MAML3: variants seen among roughly 807,000 people sequenced by gnomAD.
The protein encoded by MAML3 is mastermind like transcriptional coactivator 3, also known as mastermind-like protein 3.
In MAML3, 27 loss-of-function variants were observed where a neutral mutation model predicts 101.9. The observed-to-expected ratio is 0.27, with a 90% CI of 0.20 to 0.37. MAML3 has a LOEUF of 0.37. MAML3 is among the 10% of genes least tolerant of loss of function. The probability of loss-of-function intolerance (pLI) is 1.00; values close to 1 mark genes in which losing one functional copy is unlikely to be tolerated. For synonymous variants in MAML3, 501 were observed against 555.9 expected (o/e 0.90, Z 1.39); for missense variants, 1,316 against 1,444.9 (o/e 0.91, Z 1.45).
chr4:140,079,509 G>T (rs1315328940), intron 1 of MAML3, among the ~76,000 whole-genome samples: 1 of 152,064 alleles, frequency 6.6e-6, no homozygotes, highest in East Asian at 1.9e-4. Flanking sequence ...GGCCAGGATG[G>T]TCTCAAACTC....
chr4:140,153,407 A>T lies in MAML3; in HGVS notation c.-80T>A. The T allele has an allele frequency of 2.1e-6, 3 of 1,437,098 alleles. No homozygotes were observed. Among genetic ancestry groups the T allele is most frequent in the Non-Finnish European group, 2.7e-6 (3 of 1,093,934 alleles). 89.0% of individuals were successfully genotyped at this position (1,437,098 alleles called of 1,614,324 possible). ...AGCCTCCTCCTTGGGTCCAAGGATT[A>T]AAATAGTTTAAGTGGAACGCGGGGG... is the stretch of plus-strand genomic sequence containing the variant. On this transcript the variant is annotated 5_prime_UTR_variant, in exon 1 of 5. The change abolishes the stop of an existing upstream ORF in the 5' untranslated region. Coordinates refer to ENST00000509479, the MANE Select transcript of MAML3 (RefSeq NM_018717.5).
intron 2 of MAML3, among the ~76,000 whole-genome samples, chr4:139,752,443 TG>T (rs1213335383): frequency 6.6e-6 from 1 of 152,144 alleles, no homozygotes; most frequent in African/African-American, 2.4e-5. Context: ...GGACCTAGCC[TG>T]GCTCTCTCTG....
chr4:139,717,071 T>G lies in MAML3; in HGVS notation c.*2252A>C, dbSNP rs1728003477. 6.6e-6 allele frequency: 1 copy of G among 152,444 alleles called. No homozygotes were observed. Among genetic ancestry groups the G allele is most frequent in the Non-Finnish European group, 1.5e-5 (1 of 68,024 alleles). The allele number at this position is 152,444 out of a possible 1,614,324, so 9.4% of individuals were successfully genotyped here. A position where few individuals can be genotyped will look rare whatever the true frequency, so the allele number is the denominator to read the frequency against. ...TATTTATATGTATATTTTTTACAGA[T>G]AGTAGACCCAGTGATATCTGCAGTA... On this transcript the variant is annotated 3_prime_UTR_variant, in exon 5 of 5. Coordinates refer to ENST00000509479, the MANE Select transcript of MAML3 (RefSeq NM_018717.5).
At chr4:139,879,617 A>C (rs921173216) in intron 2 of MAML3, among the ~76,000 whole-genome samples, 3 of 113,396 alleles carry the variant, frequency 2.6e-5, no homozygotes, top group African/African-American at 1.0e-4. Flanking sequence ...CGTGGTGGTG[A>C]TAGTGGTTGG....
chr4:139,723,359 G>A (rs1728333455), intron 4 of MAML3, among the ~76,000 whole-genome samples: 1 of 152,110 alleles, frequency 6.6e-6, no homozygotes, highest in Non-Finnish European at 1.5e-5. Flanking sequence ...TGCCCAGGCT[G>A]GAGTGCAATG....
intron 2 of MAML3, among the ~76,000 whole-genome samples, chr4:139,830,410 ATTTTT>A (rs1157293904): frequency 2.5e-5 from 3 of 121,302 alleles, no homozygotes; most frequent in African/African-American, 7.7e-5. Flanking sequence ...ACGCTGTGCT[ATTTTT>A]TTTTTTTTTT....
intron 2 of MAML3, among the ~76,000 whole-genome samples, chr4:139,855,189 A>C (rs753834098): frequency 2.6e-5 from 4 of 152,146 alleles, no homozygotes; most frequent in Non-Finnish European, 4.4e-5. Context: ...GTTACATGTT[A>C]AGCAATTCTG....
At chr4:140,052,626 C>T (rs1727286491) in intron 1 of MAML3, among the ~76,000 whole-genome samples, 1 of 151,396 alleles carries the variant, frequency 6.6e-6, no homozygotes, top group Non-Finnish European at 1.5e-5. Context: ...CCTCTACCTC[C>T]TAGGTTCGAG....
chr4:140,041,246 C>T (rs1727081081), intron 1 of MAML3, among the ~76,000 whole-genome samples: 2 of 151,906 alleles, frequency 1.3e-5, no homozygotes, highest in South Asian at 2.1e-4. Context: ...ATATACATAC[C>T]ACTGGATAAA....
At chr4:139,902,259 A>ACGCG (rs1732739820) in intron 1 of MAML3, among the ~76,000 whole-genome samples, 1 of 54,706 alleles carries the variant, frequency 1.8e-5, no homozygotes, top group South Asian at 1.1e-3. Context: ...ACACGCACAC[A>ACGCG]CACGCACACA....
intron 1 of MAML3, among the ~76,000 whole-genome samples, chr4:139,918,546 G>A (rs1304678188): frequency 6.6e-6 from 1 of 152,132 alleles, no homozygotes; most frequent in Non-Finnish European, 1.5e-5. Context: ...GTACTTTATC[G>A]TGTCCTTCTG....
In MAML3 at chr4:139,805,186, AAAC is replaced by A. The variant is rs1176998199; in HGVS notation, c.2080-74522_2080-74520del. 5.9e-5 allele frequency among the ~76,000 whole-genome samples: 9 copies of A among 152,272 alleles called. No individual in the cohort carries two copies. The South Asian group carries it at 6.2e-4, about 11-fold the overall frequency. On this transcript the variant is annotated intron_variant, in intron 2 of 4. Coordinates refer to ENST00000509479, the MANE Select transcript of MAML3 (RefSeq NM_018717.5). Reference sequence around the variant, plus strand: ...GCAACAAGAGCGAAAATCCGTCTCAAAACAACAACAACAACAAAAAGAATTTAT... The same window carrying A: ...GCAACAAGAGCGAAAATCCGTCTCAAAACAACAACAACAAAAAGAATTTAT...
intron 1 of MAML3, among the ~76,000 whole-genome samples, chr4:140,086,765 CTT>C (rs549164461): frequency 8.9e-4 from 136 of 152,222 alleles, no homozygotes; most frequent in African/African-American, 3.0e-3. Context: ...TAGAAATTTT[CTT>C]TGTTTCTAAC....
intron 1 of MAML3, among the ~76,000 whole-genome samples, chr4:140,115,913 G>A (rs1728509649): frequency 6.6e-6 from 1 of 151,884 alleles, no homozygotes; most frequent in Non-Finnish European, 1.5e-5. Context: ...TTTAAATATA[G>A]AAAATATTTA....
intron 1 of MAML3, among the ~76,000 whole-genome samples, chr4:140,045,421 C>T (rs1340797908): frequency 6.7e-6 from 1 of 148,760 alleles, no homozygotes; most frequent in Non-Finnish European, 1.5e-5. Context: ...AAAGAATCTG[C>T]TATATATTGT....
In MAML3 at chr4:140,129,737, C is replaced by T. The variant is rs981884139; in HGVS notation, c.468+23123G>A. 1.4e-4 allele frequency among the ~76,000 whole-genome samples: 21 copies of T among 152,194 alleles called. No individual in the cohort carries two copies. The East Asian group carries it at 2.3e-3, about 17-fold the overall frequency. On this transcript the variant is annotated intron_variant, in intron 1 of 4. Coordinates refer to ENST00000509479, the MANE Select transcript of MAML3 (RefSeq NM_018717.5). ...GTCCCAGCACTTTGGGAGGCCGAGG[C>T]GGGCGGATCACGAGGTCAAGAAATC... is the stretch of plus-strand genomic sequence containing the variant.
In MAML3 at chr4:139,976,028, A is replaced by G. The variant is rs79126077; in HGVS notation, c.469-85061T>C. 2.8e-4 allele frequency among the ~76,000 whole-genome samples: 43 copies of G among 152,382 alleles called. No homozygotes were observed. The South Asian group carries it at 3.5e-3, about 12-fold the overall frequency. ...TCAGATTTAACTTCAGTTGTTTCCA[A>G]ACATAATTGATTGCTATTTTCTTCC... On this transcript the variant is annotated intron_variant, in intron 1 of 4. Coordinates refer to ENST00000509479, the MANE Select transcript of MAML3 (RefSeq NM_018717.5).
chr4:140,023,422 C>T (rs1726769047), intron 1 of MAML3, among the ~76,000 whole-genome samples: 1 of 152,162 alleles, frequency 6.6e-6, no homozygotes, highest in Admixed American at 6.5e-5. Context: ...CTGCTAAGCC[C>T]ACCTCAGAAG....
chr4:139,902,255 A>ACACG (rs1732739541), intron 1 of MAML3, among the ~76,000 whole-genome samples: 1 of 51,772 alleles, frequency 1.9e-5, no homozygotes, highest in Non-Finnish European at 7.0e-5. Flanking sequence ...ACGCACACGC[A>ACACG]CACACACGCA....
Sources: gnomAD v4.1 joint callset for allele counts (sites outside exome capture counted in the v4.1 genomes callset) on GRCh38, gnomAD v4.1.1 for gene constraint, MANE v1.5 for transcripts, NCBI Gene and HGNC (gene_info 2026-07-23, HGNC 2026-07-21) for gene names.